ZNF148: variants seen among roughly 807,000 people sequenced by gnomAD.
ZNF148 encodes zinc finger protein 148, also known as Beta-Enolase Repressor Factor-1.
In ZNF148, 7 loss-of-function variants were observed where a neutral mutation model predicts 67.7. The ratio of observed to expected loss-of-function variants is 0.10; its 90% confidence interval spans 0.06 to 0.19. The LOEUF is 0.19. ZNF148 is among the 10% of genes least tolerant of loss of function. The probability of loss-of-function intolerance (pLI) is 1.00; values close to 1 mark genes in which losing one functional copy is unlikely to be tolerated. For missense variants in ZNF148, 583 were observed against 947.1 expected (o/e 0.62, Z 5.05); for synonymous variants, 333 against 330.7 (o/e 1.01, Z -0.08).
At chr3:125,313,229 A>C (rs943959355) in intron 4 of ZNF148, 79 bp downstream of exon 4, 1 of 1,199,984 alleles carries the variant, frequency 8.3e-7, no homozygotes, top group African/African-American at 1.5e-5. Context: ...CATTTTCTGA[A>C]ATTTCTTCGA....
At chr3:125,351,035 A>G (rs1159981469) in intron 1 of ZNF148, among the ~76,000 whole-genome samples, 1 of 152,008 alleles carries the variant, frequency 6.6e-6, no homozygotes, top group African/African-American at 2.4e-5. Context: ...CCAGGGGATG[A>G]GGGGAGGTAG....
At chr3:125,308,817 C>T (rs1940039930) in intron 4 of ZNF148, among the ~76,000 whole-genome samples, 1 of 152,056 alleles carries the variant, frequency 6.6e-6, no homozygotes, top group Admixed American at 6.5e-5. Context: ...CCACTTTATT[C>T]ATAGTAATTG....
chr3:125,229,665 A>G lies in ZNF148; in HGVS notation c.*2676T>C, dbSNP rs1330031862. 1 of 152,178 alleles carries G rather than the reference A, an allele frequency of 6.6e-6. No homozygotes were observed. Among genetic ancestry groups the G allele is most frequent in the Non-Finnish European group, 1.5e-5 (1 of 68,024 alleles). The allele number at this position is 152,178 out of a possible 1,614,324, so 9.4% of individuals were successfully genotyped here. On this transcript the variant is annotated 3_prime_UTR_variant, in exon 9 of 9. Transcript: ENST00000360647. ...TAAGGGTGTACCAGCATGTTTTTAT[A>G]GAACAATGTGCTCACTTTGAGAAAT...
chr3:125,346,184 T>C (rs1473248700), intron 1 of ZNF148, among the ~76,000 whole-genome samples: 1 of 152,196 alleles, frequency 6.6e-6, no homozygotes, highest in Non-Finnish European at 1.5e-5. Context: ...AAAATCAATA[T>C]AATACACCAC....
At chr3:125,302,111 T>C (rs1579746685) in intron 4 of ZNF148, among the ~76,000 whole-genome samples, 1 of 150,580 alleles carries the variant, frequency 6.6e-6, no homozygotes, top group African/African-American at 2.5e-5. Context: ...TTGTGGTGGC[T>C]CACACCAGTA....
chr3:125,368,847 A>C (rs566859528), intron 1 of ZNF148, among the ~76,000 whole-genome samples: 62 of 152,212 alleles, frequency 4.1e-4, no homozygotes, highest in African/African-American at 1.4e-3. Context: ...TCTGAGACTG[A>C]GGCAGGAGAA....
At chr3:125,321,474 A>C (rs1244734079) in intron 3 of ZNF148, among the ~76,000 whole-genome samples, 3 of 152,164 alleles carry the variant, frequency 2.0e-5, no homozygotes, top group Non-Finnish European at 4.4e-5. Flanking sequence ...GTTAACAGGC[A>C]TTTCTATACC....
In ZNF148 at chr3:125,226,832, A is replaced by ACTG. The variant is rs1305364567; in HGVS notation, c.*5506_*5508dup. On this transcript the variant is annotated 3_prime_UTR_variant, in exon 9 of 9. Transcript: ENST00000360647. ...AATTTCAATTGTCAGGCTGCTGACT[A>ACTG]CTGATGTAAAAGTTTATATTTAAAA... 1 of 152,272 alleles carries ACTG rather than the reference A, an allele frequency of 6.6e-6. No individual in the cohort carries two copies. Among genetic ancestry groups the ACTG allele is most frequent in the Non-Finnish European group, 1.5e-5 (1 of 68,018 alleles). The allele number at this position is 152,272 out of a possible 1,614,324, so 9.4% of individuals were successfully genotyped here.
intron 7 of ZNF148, among the ~76,000 whole-genome samples, chr3:125,250,035 G>A (rs978049759): frequency 6.6e-6 from 1 of 152,126 alleles, no homozygotes; most frequent in Non-Finnish European, 1.5e-5. Flanking sequence ...GGAATGGGAG[G>A]ATTTTGGTCA....
At chr3:125,285,242 T>C (rs1172027160) in intron 5 of ZNF148, among the ~76,000 whole-genome samples, 2 of 152,182 alleles carry the variant, frequency 1.3e-5, no homozygotes, top group Non-Finnish European at 2.9e-5. Flanking sequence ...GAACTTAAAA[T>C]TGTTTTTAAG....
In ZNF148 at chr3:125,312,567, C is replaced by T. The variant is rs189342870; in HGVS notation, c.333+741G>A. On this transcript the variant is annotated intron_variant, in intron 4 of 8. Coordinates refer to ENST00000360647, the MANE Select transcript of ZNF148 (RefSeq NM_021964.3). ...AAGTGACAGGCTGATGATGATGGAG[C>T]ACTATCTAGAGGTTATAAAACAGGT... is the stretch of plus-strand genomic sequence containing the variant. Among the ~76,000 whole-genome samples, 323 of 152,246 alleles carry T rather than the reference C, an allele frequency of 2.1e-3. 1 individual carries two copies. The highest frequency in any genetic ancestry group is 7.4e-3 in the African/African-American group (307 of 41,558).
intron 1 of ZNF148, among the ~76,000 whole-genome samples, chr3:125,336,817 C>T (rs1241346583): frequency 6.6e-6 from 1 of 150,836 alleles, no homozygotes; most frequent in African/African-American, 2.4e-5. Context: ...GCTGGGACTA[C>T]AGGCGCGTGC....
At chr3:125,265,906 A>C (rs1937520459) in intron 7 of ZNF148, among the ~76,000 whole-genome samples, 1 of 152,176 alleles carries the variant, frequency 6.6e-6, no homozygotes, top group African/African-American at 2.4e-5. Context: ...TAAAACAAGA[A>C]AGAGTAGGGG....
intron 4 of ZNF148, among the ~76,000 whole-genome samples, chr3:125,301,660 C>A (rs1939593325): frequency 6.6e-6 from 1 of 152,084 alleles, no homozygotes; most frequent in Non-Finnish European, 1.5e-5. Context: ...TTTTAAAAGG[C>A]TTTATTTAGC....
intron 1 of ZNF148, among the ~76,000 whole-genome samples, chr3:125,335,643 G>C (rs1941460007): frequency 6.6e-6 from 1 of 152,134 alleles, no homozygotes; most frequent in East Asian, 1.9e-4. Flanking sequence ...TAAAAATAAT[G>C]CTAGTAACAA....
chr3:125,368,763 G>A (rs551956897), intron 1 of ZNF148, among the ~76,000 whole-genome samples: 41 of 151,818 alleles, frequency 2.7e-4, no homozygotes, highest in South Asian at 4.2e-4. Context: ...TGGCCAACAC[G>A]GCGAAACCCC....
At chr3:125,328,587 C>T (rs1941132212) in intron 2 of ZNF148, among the ~76,000 whole-genome samples, 1 of 151,172 alleles carries the variant, frequency 6.6e-6, no homozygotes, top group Non-Finnish European at 1.5e-5. Flanking sequence ...ATGTATGTGT[C>T]AAGCAAAAAT....
intron 7 of ZNF148, among the ~76,000 whole-genome samples, chr3:125,246,360 C>A (rs993205778): frequency 1.3e-5 from 2 of 152,080 alleles, no homozygotes; most frequent in African/African-American, 4.8e-5. Flanking sequence ...AAAAAAAGAT[C>A]ATGTACCATT....
In ZNF148 at chr3:125,232,983, G is replaced by A. The variant is rs376278331; in HGVS notation, c.1743C>T (p.Val581=). The A allele has an allele frequency of 2.1e-4, 340 of 1,613,806 alleles. 5 individuals are homozygous for A. The Middle Eastern group carries it at 7.9e-3, about 38-fold the overall frequency. Residue 581 remains valine (V), a synonymous_variant, in exon 9 of 9, where the codon GTC becomes GTT. Coordinates refer to ENST00000360647, the MANE Select transcript of ZNF148 (RefSeq NM_021964.3). The surrounding 1 kb of genome is among the most constrained non-coding windows in gnomAD (Gnocchi z 4.2). ...ISINSSEVPE[V]TPSENVGSSS... is the part of the protein sequence containing the mutation. ...TTGATCCAACATTCTCTGACGGGGT[G>A]ACCTCTGGTACTTCTGAAGAATTTA...
Sources: allele counts gnomAD v4.1 joint callset (sites outside exome capture counted in the v4.1 genomes callset), GRCh38; gene constraint gnomAD v4.1.1; non-coding constraint Gnocchi (gnomAD v3.1); transcripts MANE v1.5; gene names NCBI Gene and HGNC (gene_info 2026-07-23, HGNC 2026-07-21).